ADK: variants seen among roughly 807,000 people sequenced by gnomAD.
The protein encoded by ADK is adenosine kinase.
In ADK, 24 loss-of-function variants were observed where a neutral mutation model predicts 44.7. That is an observed-to-expected ratio of 0.54 (90% confidence interval 0.39 to 0.76). The LOEUF (loss-of-function observed/expected upper bound fraction) is 0.76. Ranked by LOEUF, ADK falls within the 30% of genes least tolerant of loss-of-function variation. The pLI is 0.00. For synonymous variants in ADK, 128 were observed against 142.6 expected, an observed-to-expected ratio of 0.90 and a Z score of 0.73; for missense variants, 321 against 425.1, an observed-to-expected ratio of 0.76 and a Z score of 2.15.
intron 2 of ADK, among the ~76,000 whole-genome samples, chr10:74,222,080 C>CA (rs1844333936): frequency 6.6e-6 from 1 of 152,070 alleles, no homozygotes; most frequent in African/African-American, 2.4e-5. Flanking sequence ...AGGCAACCCA[C>CA]AAAATGGGAG....
intron 6 of ADK, among the ~76,000 whole-genome samples, chr10:74,452,275 T>G (rs926888365): frequency 3.9e-5 from 6 of 152,044 alleles, no homozygotes; most frequent in Non-Finnish European, 8.8e-5. Flanking sequence ...TAGGCATTTA[T>G]TCTACTCACC....
At chr10:74,172,831 G>A (rs1417047384) in intron 1 of ADK, among the ~76,000 whole-genome samples, 5 of 151,182 alleles carry the variant, frequency 3.3e-5, no homozygotes, top group African/African-American at 7.3e-5. Context: ...GCTTGAACCC[G>A]GGAGGCAGAG....
At chr10:74,595,833 C>T (rs1321554225) in intron 8 of ADK, among the ~76,000 whole-genome samples, 6 of 149,334 alleles carry the variant, frequency 4.0e-5, no homozygotes, top group Non-Finnish European at 1.5e-5. Flanking sequence ...CCCGTCTCTA[C>T]TAAAAATACA....
chr10:74,635,158 A>G (rs1185087287), intron 9 of ADK, among the ~76,000 whole-genome samples: 6 of 152,248 alleles, frequency 3.9e-5, no homozygotes, highest in Non-Finnish European at 7.3e-5. Flanking sequence ...CCACAGGCAG[A>G]ATAAATACAA....
chr10:74,407,713 A>G (rs188976498), intron 6 of ADK, among the ~76,000 whole-genome samples: 97 of 152,270 alleles, frequency 6.4e-4, no homozygotes, highest in Non-Finnish European at 1.1e-3. Flanking sequence ...ACTTGACTCT[A>G]TTTAGGTTCT....
At chr10:74,682,516 T>G (rs777578957) in intron 10 of ADK, among the ~76,000 whole-genome samples, 2 of 152,114 alleles carry the variant, frequency 1.3e-5, no homozygotes, top group Non-Finnish European at 2.9e-5. Flanking sequence ...TTCCTGTACA[T>G]GTCAACAATT....
chr10:74,603,296 T>A (rs186539503), intron 9 of ADK, among the ~76,000 whole-genome samples: 1 of 152,260 alleles, frequency 6.6e-6, no homozygotes, highest in East Asian at 1.9e-4. Context: ...CTGGGATACA[T>A]GTCCAGAATG....
At chr10:74,648,002 T>C (rs1448007231) in intron 9 of ADK, among the ~76,000 whole-genome samples, 5 of 152,188 alleles carry the variant, frequency 3.3e-5, no homozygotes. Flanking sequence ...ATTTATCTTC[T>C]TGCATCTTCA....
At chr10:74,661,288 G>GA in intron 9 of ADK, 1 of 964,842 alleles carries the variant, frequency 1.0e-6, no homozygotes, top group Non-Finnish European at 1.2e-6. Context: ...TTTTTTTCAG[G>GA]AAAATAGTAG....
At chr10:74,405,283 C>G (rs1010018679) in intron 6 of ADK, among the ~76,000 whole-genome samples, 1 of 152,026 alleles carries the variant, frequency 6.6e-6, no homozygotes, top group Non-Finnish European at 1.5e-5. Context: ...CTGTTAGGAA[C>G]CAGGCCACAC....
intron 4 of ADK, among the ~76,000 whole-genome samples, chr10:74,356,002 ATTTTTTTTTTTTT>A (rs34454856): frequency 3.6e-5 from 3 of 83,310 alleles, no homozygotes; most frequent in African/African-American, 1.5e-4. Context: ...TAAATAATTC[ATTTTTTTTTTTTT>A]TTTTTTTTTT....
intron 7 of ADK, among the ~76,000 whole-genome samples, chr10:74,581,316 A>C (rs1174809996): frequency 6.6e-6 from 1 of 152,172 alleles, no homozygotes; most frequent in African/African-American, 2.4e-5. Flanking sequence ...TTCACTGGGT[A>C]AGATGTGGCA....
intron 10 of ADK, among the ~76,000 whole-genome samples, chr10:74,701,542 T>G (rs1001207223): frequency 2.6e-5 from 4 of 152,170 alleles, no homozygotes; most frequent in African/African-American, 9.6e-5. Flanking sequence ...TGATGGCATA[T>G]CCAATGACAC....
intron 4 of ADK, among the ~76,000 whole-genome samples, chr10:74,342,762 G>A (rs553376602): frequency 1.0e-4 from 13 of 130,302 alleles, no homozygotes; most frequent in South Asian, 7.0e-4. Flanking sequence ...GGCATGAGCC[G>A]CTGTGCCTAG....
intron 7 of ADK, among the ~76,000 whole-genome samples, chr10:74,544,673 G>A (rs908472488): frequency 2.6e-5 from 4 of 151,950 alleles, no homozygotes; most frequent in Admixed American, 6.6e-5. Context: ...TCAGGAGATC[G>A]AGACCATCCT....
chr10:74,323,663 C>T (rs951378763), intron 4 of ADK, among the ~76,000 whole-genome samples: 7 of 151,164 alleles, frequency 4.6e-5, no homozygotes, highest in Admixed American at 2.0e-4. Flanking sequence ...CTCCACCTCC[C>T]GGGGTCACAC....
intron 10 of ADK, among the ~76,000 whole-genome samples, chr10:74,680,980 T>C (rs1855583346): frequency 6.6e-6 from 1 of 152,210 alleles, no homozygotes; most frequent in Non-Finnish European, 1.5e-5. Flanking sequence ...TTTAGAACCA[T>C]CATGCTATGA....
At position 74,688,926 on chromosome 10, in the gene ADK, TGATCATA is replaced by T; in HGVS notation, c.964+18658_964+18664del. On this transcript the variant is annotated intron_variant, in intron 10 of 10. Transcript: ENST00000539909. Reference sequence around the variant, plus strand: ...GTGACTAATCCAGAAACAGAGAGACTGATCATACTACCTTTAGTATCACTTAAAATAA... The same window carrying T: ...GTGACTAATCCAGAAACAGAGAGACTCTACCTTTAGTATCACTTAAAATAA... Among the ~76,000 whole-genome samples, 4 of 145,012 alleles carry T rather than the reference TGATCATA, an allele frequency of 2.8e-5. No individual in the cohort carries two copies. The East Asian group carries it at 6.5e-4, about 23-fold the overall frequency.
chr10:74,393,483 T>C (rs1843408759), intron 4 of ADK, among the ~76,000 whole-genome samples: 1 of 152,164 alleles, frequency 6.6e-6, no homozygotes, highest in Admixed American at 6.5e-5. Context: ...TTTAAAAGAA[T>C]TTTTTTAGAT....
Sources: allele counts gnomAD v4.1 joint callset (sites outside exome capture counted in the v4.1 genomes callset), GRCh38; gene constraint gnomAD v4.1.1; transcripts MANE v1.5; gene names NCBI Gene and HGNC (gene_info 2026-07-23, HGNC 2026-07-21).